FBXO15: variants seen among roughly 807,000 people sequenced by gnomAD.
FBXO15 encodes F-box only protein 15.
A neutral mutation model predicts 49.5 loss-of-function variants in FBXO15; 30 were observed. That is an observed-to-expected ratio of 0.61 (90% CI 0.45 to 0.82). The LOEUF (loss-of-function observed/expected upper bound fraction) is 0.82, where lower values mean the gene tolerates loss of function less well. Among genes scored for constraint, FBXO15 ranks in the 40% least tolerant of loss-of-function variants. The probability of loss-of-function intolerance (pLI) is 0.00; values close to 1 mark genes in which losing one functional copy is unlikely to be tolerated. For synonymous variants in FBXO15, 250 were observed against 232.7 expected (o/e 1.07, Z -0.68); for missense variants, 591 against 631.5 (o/e 0.94, Z 0.69).
At chr18:74,105,489 G>A (rs1913713274) in intron 8 of FBXO15, among the ~76,000 whole-genome samples, 1 of 152,064 alleles carries the variant, frequency 6.6e-6, no homozygotes, top group African/African-American at 2.4e-5. Flanking sequence ...ACCCAGGCTG[G>A]AGTGCAGTTG....
chr18:74,118,481 T>C lies in FBXO15; in HGVS notation c.1138+4887A>G, dbSNP rs1332588036. Reference sequence around the variant, plus strand: ...AACATCAAGGGGTCTATTAACATTATACACAGAGAGAGAGAGAGAGAAAGA... The same window carrying C: ...AACATCAAGGGGTCTATTAACATTACACACAGAGAGAGAGAGAGAGAAAGA... On this transcript the variant is annotated intron_variant, in intron 8 of 9. Coordinates refer to ENST00000419743, the MANE Select transcript of FBXO15 (RefSeq NM_001142958.2). Among the ~76,000 whole-genome samples the C allele has an allele frequency of 3.3e-5, 5 of 151,540 alleles. No homozygotes were observed. In the East Asian group the frequency reaches 7.7e-4, roughly 23 times the overall value.
At chr18:74,098,191 A>C (rs1913362970) in intron 8 of FBXO15, 2 of 152,206 alleles carry the variant, frequency 1.3e-5, no homozygotes, top group South Asian at 4.1e-4. Context: ...AAAACAATTC[A>C]GGTAATACGA....
chr18:74,125,501 C>T (rs1001992007), intron 6 of FBXO15, among the ~76,000 whole-genome samples: 2 of 152,186 alleles, frequency 1.3e-5, no homozygotes, highest in African/African-American at 4.8e-5. Context: ...GAAAGGATAA[C>T]ATCGTAGACA....
chr18:74,130,812 A>G (rs1008777681), intron 3 of FBXO15, 154 bp from the exon 4 acceptor site: 53 of 805,936 alleles, frequency 6.6e-5, no homozygotes, highest in Non-Finnish European at 9.3e-5. Context: ...GTTAAAGTGA[A>G]TTGCAGTTTG....
At chr18:74,111,061 T>C (rs750606118) in intron 8 of FBXO15, among the ~76,000 whole-genome samples, 88 of 151,554 alleles carry the variant, frequency 5.8e-4, no homozygotes, top group Middle Eastern at 6.9e-3. Flanking sequence ...ATCAACGGGG[T>C]ATAATGAATA....
Position 74,147,821 on chromosome 18 carries a change from C to T in FBXO15, c.-36G>A, listed in dbSNP as rs1016287587. Reference sequence around the variant, plus strand: ...AGTTCACCACAGGACCGCGCCAGGGCTGAAACGAAGAGTGCACGCACCGCC... The same window carrying T: ...AGTTCACCACAGGACCGCGCCAGGGTTGAAACGAAGAGTGCACGCACCGCC... On this transcript the variant is annotated 5_prime_UTR_variant, in exon 1 of 10. Coordinates refer to ENST00000419743, the MANE Select transcript of FBXO15 (RefSeq NM_001142958.2). 4.7e-6 allele frequency: 7 copies of T among 1,481,754 alleles called. No homozygotes were observed. The Admixed American group carries it at 6.9e-5, about 15-fold the overall frequency. The allele number at this position is 1,481,754 out of a possible 1,614,324, so 91.8% of individuals were successfully genotyped here. A position where few individuals can be genotyped will look rare whatever the true frequency, so the allele number is the denominator to read the frequency against.
At chr18:74,147,460 G>A (rs770093262) in intron 1 of FBXO15, 4 of 1,201,896 alleles carry the variant, frequency 3.3e-6, no homozygotes, top group Non-Finnish European at 4.1e-6. Context: ...ATTTCCCCGA[G>A]AGGCTACTCT....
chr18:74,127,132 G>A (rs1978291225), intron 5 of FBXO15, among the ~76,000 whole-genome samples: 1 of 152,342 alleles, frequency 6.6e-6, no homozygotes, highest in African/African-American at 2.4e-5. Context: ...CTGCTGAGTG[G>A]GGACAAGAGC....
chr18:74,094,705 C>A (rs1166729447), intron 8 of FBXO15, among the ~76,000 whole-genome samples: 1 of 152,086 alleles, frequency 6.6e-6, no homozygotes, highest in Non-Finnish European at 1.5e-5. Context: ...CCTTAAGATC[C>A]CTAGGATTTC....
chr18:74,113,272 A>G (rs1309838097), intron 8 of FBXO15, among the ~76,000 whole-genome samples: 2 of 152,236 alleles, frequency 1.3e-5, no homozygotes, highest in Non-Finnish European at 2.9e-5. Flanking sequence ...CAAAAAGGCT[A>G]GTGGTTGCCA....
At position 74,081,963 on chromosome 18, in the gene FBXO15, G is replaced by A. The variant is rs1403970093; in HGVS notation, c.1227C>T (p.Leu409=). ...CATCAAAAATATCAGTTTTCCACGA[G>A]AGGCCAACTTTTCCAATAAGAGGTA... is the stretch of plus-strand genomic sequence containing the variant. ...EHLPLIGKVG[L]SWKTDIFDGC... The change falls in exon 9 of 10, where the codon CTC becomes CTT. Residue 409 remains leucine, a synonymous_variant. Transcript: ENST00000419743. The A allele has an allele frequency of 5.0e-6, 8 of 1,612,980 alleles. No individual in the cohort carries two copies. Among genetic ancestry groups the A allele is most frequent in the Non-Finnish European group, 6.8e-6 (8 of 1,179,512 alleles).
chr18:74,134,178 G>C (rs937051779), intron 3 of FBXO15, among the ~76,000 whole-genome samples: 45 of 152,032 alleles, frequency 3.0e-4, no homozygotes, highest in African/African-American at 1.0e-3. Context: ...TAAATTAAAA[G>C]AAAAATCACC....
Position 74,074,102 on chromosome 18 carries a change from G to A in FBXO15, c.1264-372C>T, listed in dbSNP as rs1314776466. Among the ~76,000 whole-genome samples the A allele has an allele frequency of 3.9e-5, 6 of 152,106 alleles. No individual in the cohort carries two copies. The highest frequency in any genetic ancestry group is 9.7e-5 in the African/African-American group (4 of 41,416). On this transcript the variant is annotated intron_variant, in intron 9 of 9. Transcript: ENST00000419743. This position sits in a 1 kb window ranked among gnomAD's most constrained non-coding sequence, Gnocchi z 4.7. ...TCAGCGCTTCCGAGCGTGAGGCACC[G>A]CATCACCCTGAGAAGCAGTGTGCCT... is the stretch of plus-strand genomic sequence containing the variant.
At chr18:74,126,689 T>C (rs1369569272) in intron 5 of FBXO15, among the ~76,000 whole-genome samples, 2 of 152,194 alleles carry the variant, frequency 1.3e-5, no homozygotes, top group African/African-American at 4.8e-5. Flanking sequence ...CCTGAGGAGC[T>C]GGGGCCACAT....
chr18:74,123,129 C>A, intron 8 of FBXO15: 1 of 415,408 alleles, frequency 2.4e-6, no homozygotes, highest in Non-Finnish European at 4.2e-6. Context: ...TGAGTAGGGG[C>A]TACCCCCAGA....
chr18:74,122,687 C>T lies in FBXO15; in HGVS notation c.1138+681G>A, dbSNP rs1169899299. The T allele has an allele frequency of 2.0e-4, 30 of 152,172 alleles. 1 individual carries two copies. The highest frequency in any genetic ancestry group is 1.8e-3 in the Admixed American group (27 of 15,278). The allele number at this position is 152,172 out of a possible 1,614,324, so 9.4% of individuals were successfully genotyped here. A position where few individuals can be genotyped will look rare whatever the true frequency, so the allele number is the denominator to read the frequency against. On this transcript the variant is annotated intron_variant, in intron 8 of 9. Transcript: ENST00000419743. ...CATTACTAATAATGGGACAACCTGA[C>T]ATTATATACCTCTCAATATAATGCA...
intron 8 of FBXO15, among the ~76,000 whole-genome samples, chr18:74,110,194 C>CATATATATATATATATATAT (rs58739905): frequency 2.1e-5 from 3 of 143,606 alleles, no homozygotes; most frequent in African/African-American, 7.7e-5. Flanking sequence ...CATATGTGTG[C>CATATATATATATATATATAT]ATATATATAT....
At chr18:74,093,611 T>C (rs1913151402) in intron 8 of FBXO15, among the ~76,000 whole-genome samples, 1 of 152,224 alleles carries the variant, frequency 6.6e-6, no homozygotes, top group African/African-American at 2.4e-5. Flanking sequence ...TCCTTATCCA[T>C]TCAAGTTTTA....
chr18:74,145,888 G>A (rs1979382490), intron 1 of FBXO15, among the ~76,000 whole-genome samples: 1 of 152,134 alleles, frequency 6.6e-6, no homozygotes. Context: ...GTGAGCCACT[G>A]CACCCGGCCC....
Sources: gnomAD v4.1 joint callset for allele counts (sites outside exome capture counted in the v4.1 genomes callset) on GRCh38, gnomAD v4.1.1 for gene constraint, Gnocchi (gnomAD v3.1) non-coding constraint, MANE v1.5 for transcripts, NCBI Gene and HGNC (gene_info 2026-07-23, HGNC 2026-07-21) for gene names.